Variants in PHF14 observed in about 807,000 individuals in gnomAD.
The protein encoded by PHF14 is PHD finger protein 14.
In PHF14, 55 loss-of-function variants were observed where a neutral mutation model predicts 117.9. That is an observed-to-expected ratio of 0.47 (90% CI 0.38 to 0.58). The LOEUF (loss-of-function observed/expected upper bound fraction) is 0.58, where lower values mean the gene tolerates loss of function less well. PHF14 is among the 20% of genes least tolerant of loss of function. The pLI, the probability that PHF14 is intolerant of heterozygous loss-of-function variation, is 0.00. For missense variants in PHF14, 978 were observed against 1,122.2 expected (o/e 0.87, Z 1.84); for synonymous variants, 409 against 368.6 (o/e 1.11, Z -1.26).
At chr7:11,106,423 G>T (rs1363353126) in intron 16 of PHF14, 6 of 952,428 alleles carry the variant, frequency 6.3e-6, no homozygotes, top group East Asian at 2.3e-4. Context: ...TAATTATTTT[G>T]TATAGAAACT....
Position 11,169,521 on chromosome 7 carries a change from G to A in PHF14, c.*31G>A, listed in dbSNP as rs1789303257. 1.9e-6 allele frequency: 2 copies of A among 1,060,520 alleles called. No homozygotes were observed. The highest frequency in any genetic ancestry group is 1.3e-6 in the Non-Finnish European group (1 of 742,120). 65.7% of individuals were successfully genotyped at this position (1,060,520 alleles called of 1,614,324 possible). ...TTTCTGTAGTGTTTTTGAAAAGTTT[G>A]CAGCTTATGTAATAGCAGATAAAAT... On this transcript the variant is annotated 3_prime_UTR_variant, in exon 18 of 18. Transcript: ENST00000634607.
intron 3 of PHF14, among the ~76,000 whole-genome samples, chr7:10,988,016 CAAAAAAAAA>C (rs60714759): frequency 8.6e-6 from 1 of 115,644 alleles, no homozygotes; most frequent in African/African-American, 3.2e-5. Flanking sequence ...AACTCCTTCT[CAAAAAAAAA>C]AAAAAAAGAA....
intron 17 of PHF14, among the ~76,000 whole-genome samples, chr7:11,161,185 T>A (rs1377158863): frequency 6.6e-6 from 1 of 152,152 alleles, no homozygotes; most frequent in Non-Finnish European, 1.5e-5. Context: ...GACTTTTTTT[T>A]AATGGCAGTA....
At chr7:11,018,963 A>C (rs1049740988) in intron 5 of PHF14, among the ~76,000 whole-genome samples, 2 of 152,098 alleles carry the variant, frequency 1.3e-5, no homozygotes, top group African/African-American at 4.8e-5. Context: ...GTTGAATTTT[A>C]TTAAATGCTT....
intron 13 of PHF14, 85 bp from the exon 14 acceptor site, chr7:11,051,527 A>G (rs980418792): frequency 1.9e-6 from 2 of 1,054,204 alleles, no homozygotes; most frequent in East Asian, 2.6e-5. Flanking sequence ...ATTCTTATAT[A>G]CCTGGATTTT....
At chr7:11,062,122 A>G (rs1785246776) in intron 16 of PHF14, 37 bp downstream of exon 16, 1 of 1,541,798 alleles carries the variant, frequency 6.5e-7, no homozygotes, top group Non-Finnish European at 8.8e-7. Context: ...TTAGGGGATG[A>G]AAGTTCTATA....
intron 17 of PHF14, among the ~76,000 whole-genome samples, chr7:11,166,205 G>C (rs1789198381): frequency 6.6e-6 from 1 of 151,796 alleles, no homozygotes; most frequent in South Asian, 2.1e-4. Context: ...TTTTCTTTAC[G>C]ATTGTTTCAG....
At chr7:11,006,468 C>G (rs542608853) in intron 4 of PHF14, 1 of 539,962 alleles carries the variant, frequency 1.9e-6, no homozygotes, top group East Asian at 5.0e-5. Context: ...CATATGCCTT[C>G]TTTTCTCCAT....
In PHF14 at chr7:11,035,645, A is replaced by C; in HGVS notation, c.1461A>C (p.Ile487=). 1 of 1,607,004 alleles carries C rather than the reference A, an allele frequency of 6.2e-7. No individual in the cohort carries two copies. The highest frequency in any genetic ancestry group is 2.2e-5 in the East Asian group (1 of 44,750). Residue 487 remains isoleucine, a synonymous_variant, in exon 8 of 18, where the codon ATA becomes ATC. Transcript: ENST00000634607. ...LLSEAAAEED[I]ADPFFAYCKQ... is the part of the protein sequence containing the mutation. ...TCTGTGCTTTCTTTGTATAGGATAT[A>C]GCAGATCCATTCTTTGCTTATTGTA...
intron 16 of PHF14, among the ~76,000 whole-genome samples, chr7:11,092,425 C>T (rs1396903028): frequency 6.6e-6 from 1 of 152,152 alleles, no homozygotes; most frequent in Non-Finnish European, 1.5e-5. Context: ...CAATCACTGC[C>T]TTATGCATAA....
At chr7:11,096,052 G>A (rs1246140300) in intron 16 of PHF14, among the ~76,000 whole-genome samples, 2 of 152,048 alleles carry the variant, frequency 1.3e-5, no homozygotes, top group African/African-American at 2.4e-5. Flanking sequence ...TTGTCAGAAT[G>A]CTAACTTTTA....
At chr7:11,077,736 A>C (rs1427706674) in intron 16 of PHF14, among the ~76,000 whole-genome samples, 1 of 151,766 alleles carries the variant, frequency 6.6e-6, no homozygotes, top group Admixed American at 6.6e-5. Context: ...TATTATCATT[A>C]TTACTATTAC....
rs201649515 is a variant in PHF14, at chr7:11,154,168, CTAT to C, written c.2773-15243_2773-15241del. On this transcript the variant is annotated intron_variant, in intron 17 of 17. Coordinates refer to ENST00000634607, the MANE Select transcript of PHF14 (RefSeq NM_001007157.2). ...TGAAACTTCATTGCTATGACTTGGA[CTAT>C]TATTTACTAAATAATTACTATTGTA... is the stretch of plus-strand genomic sequence containing the variant. Among the ~76,000 whole-genome samples, 1,105 of 152,112 alleles carry C rather than the reference CTAT, an allele frequency of 7.3e-3. 17 individuals are homozygous for C. The highest frequency in any genetic ancestry group is 0.026 in the African/African-American group (1,062 of 41,502).
chr7:10,980,709 T>G (rs1436147718), intron 2 of PHF14, among the ~76,000 whole-genome samples: 1 of 152,190 alleles, frequency 6.6e-6, no homozygotes, highest in Non-Finnish European at 1.5e-5. Context: ...TTTCTCATAC[T>G]CTGTAAATAG....
chr7:10,998,431 CACACAG>C (rs1782740873), intron 4 of PHF14, among the ~76,000 whole-genome samples: 2 of 151,982 alleles, frequency 1.3e-5, no homozygotes, highest in South Asian at 4.1e-4. Context: ...TATGTATACA[CACACAG>C]ACACATATAT....
At chr7:11,021,530 C>G (rs1783735486) in intron 5 of PHF14, among the ~76,000 whole-genome samples, 4 of 152,062 alleles carry the variant, frequency 2.6e-5, no homozygotes, top group Non-Finnish European at 5.9e-5. Flanking sequence ...CAGTTTAAAT[C>G]TGTAGTACTT....
intron 3 of PHF14, 142 bp downstream of exon 3, chr7:10,983,301 A>AT (rs1268177802): frequency 1.7e-5 from 14 of 801,088 alleles, no homozygotes; most frequent in Middle Eastern, 3.4e-4. Context: ...TAACTGTAAC[A>AT]TTTTTTCATT....
intron 17 of PHF14, among the ~76,000 whole-genome samples, chr7:11,139,154 T>C (rs1788332624): frequency 6.6e-6 from 1 of 152,146 alleles, no homozygotes; most frequent in African/African-American, 2.4e-5. Context: ...TTTTGAGTAA[T>C]TTAACACAAA....
chr7:10,977,005 G>A (rs1781890799), intron 2 of PHF14, among the ~76,000 whole-genome samples: 1 of 151,482 alleles, frequency 6.6e-6, no homozygotes, highest in South Asian at 2.1e-4. Flanking sequence ...AACAGAAATT[G>A]AATCATATTT....
Sources: gnomAD v4.1 joint callset for allele counts (sites outside exome capture counted in the v4.1 genomes callset) on GRCh38, gnomAD v4.1.1 for gene constraint, MANE v1.5 for transcripts, NCBI Gene and HGNC (gene_info 2026-07-23, HGNC 2026-07-21) for gene names.